DAAM1: variants seen among roughly 807,000 people sequenced by gnomAD.
The protein encoded by DAAM1 is dishevelled associated activator of morphogenesis 1.
A neutral mutation model predicts 130.0 loss-of-function variants in DAAM1; 52 were observed. That is an observed-to-expected ratio of 0.40 (90% CI 0.32 to 0.50). The LOEUF (loss-of-function observed/expected upper bound fraction) is 0.50. DAAM1 is among the 20% of genes least tolerant of loss of function. The pLI, the probability that DAAM1 is intolerant of heterozygous loss-of-function variation, is 0.61. For missense variants in DAAM1, 1,134 were observed against 1,303.8 expected (o/e 0.87, Z 2.01); for synonymous variants, 452 against 444.5 (o/e 1.02, Z -0.21).
chr14:59,231,210 A>G (rs1427311195), intron 1 of DAAM1, among the ~76,000 whole-genome samples: 1 of 152,228 alleles, frequency 6.6e-6, no homozygotes, highest in Non-Finnish European at 1.5e-5. Context: ...ATAATTGCAT[A>G]TATTTATGGG....
At chr14:59,196,472 G>T (rs998834317) in intron 1 of DAAM1, among the ~76,000 whole-genome samples, 2 of 152,202 alleles carry the variant, frequency 1.3e-5, no homozygotes, top group Non-Finnish European at 2.9e-5. Context: ...GGCCGGGTGC[G>T]GTGGCTCACG....
chr14:59,337,037 A>T lies in DAAM1; in HGVS notation c.1969-3037A>T, dbSNP rs147597345. ...AGGTCAGAAGTCTTAATTTCCTGCC[A>T]CTGGGAACTCATAAAATAGGATGAG... On this transcript the variant is annotated intron_variant, in intron 15 of 24. Transcript: ENST00000360909. Among the ~76,000 whole-genome samples the T allele has an allele frequency of 7.2e-5, 11 of 152,324 alleles. No individual in the cohort carries two copies. In the East Asian group the frequency reaches 1.9e-3, roughly 27 times the overall value.
At chr14:59,200,431 G>A (rs1370736641) in intron 1 of DAAM1, among the ~76,000 whole-genome samples, 1 of 152,150 alleles carries the variant, frequency 6.6e-6, no homozygotes, top group African/African-American at 2.4e-5. Flanking sequence ...CTCTGAAGAG[G>A]ATTAGCACAG....
chr14:59,306,492 T>C (rs1884385902), intron 3 of DAAM1, among the ~76,000 whole-genome samples: 1 of 152,180 alleles, frequency 6.6e-6, no homozygotes, highest in Non-Finnish European at 1.5e-5. Context: ...TTTAGCAGCA[T>C]AGTATTAATG....
intron 3 of DAAM1, among the ~76,000 whole-genome samples, chr14:59,303,616 G>GC (rs1235237062): frequency 6.6e-6 from 1 of 152,178 alleles, no homozygotes; most frequent in Non-Finnish European, 1.5e-5. Context: ...AAGAAATAGG[G>GC]CCAGGTGCGA....
chr14:59,230,559 T>A (rs1488602661), intron 1 of DAAM1, among the ~76,000 whole-genome samples: 1 of 152,044 alleles, frequency 6.6e-6, no homozygotes, highest in Non-Finnish European at 1.5e-5. Context: ...CTCATGGACT[T>A]AGAAAGTAGT....
At chr14:59,325,918 G>A (rs764060772) in intron 9 of DAAM1, 42 bp from the exon 10 acceptor site, 1 of 1,586,136 alleles carries the variant, frequency 6.3e-7, no homozygotes, top group South Asian at 1.1e-5. Context: ...GGAAACTGAG[G>A]AACTTAGATG....
chr14:59,347,631 A>G lies in DAAM1; in HGVS notation c.2160+8A>G, dbSNP rs370046450. 8 of 1,613,264 alleles carry G rather than the reference A, an allele frequency of 5.0e-6. No homozygotes were observed. The highest frequency in any genetic ancestry group is 1.3e-5 in the African/African-American group (1 of 75,024). On this transcript the variant is annotated splice_region_variant and intron_variant, in intron 17 of 24. Transcript: ENST00000360909. ...AAGGACATGTTGGAACAGGTGAGCTACCAGATGTATCTGAGAGCAGAAGTG... is the reference window on the plus strand; with the variant it reads ...AAGGACATGTTGGAACAGGTGAGCTGCCAGATGTATCTGAGAGCAGAAGTG...
chr14:59,344,331 T>C (rs771054029), intron 16 of DAAM1, among the ~76,000 whole-genome samples: 1 of 152,228 alleles, frequency 6.6e-6, no homozygotes, highest in Non-Finnish European at 1.5e-5. Context: ...TTGAAATACT[T>C]GAGTAGAGCA....
chr14:59,191,016 T>C (rs1024956987), intron 1 of DAAM1, among the ~76,000 whole-genome samples: 1 of 152,272 alleles, frequency 6.6e-6, no homozygotes, highest in Non-Finnish European at 1.5e-5. Context: ...AGATTCCTAA[T>C]GAATGCAGTT....
chr14:59,321,268 T>C (rs1362257018), intron 5 of DAAM1, among the ~76,000 whole-genome samples: 1 of 152,172 alleles, frequency 6.6e-6, no homozygotes, highest in Non-Finnish European at 1.5e-5. Context: ...GGCCAATCCA[T>C]AGAAACAGAA....
At chr14:59,322,358 G>A (rs1287376666) in intron 5 of DAAM1, among the ~76,000 whole-genome samples, 1 of 151,752 alleles carries the variant, frequency 6.6e-6, no homozygotes, top group Non-Finnish European at 1.5e-5. Context: ...AAAAAAAAAA[G>A]TTAAAAAGAA....
intron 1 of DAAM1, among the ~76,000 whole-genome samples, chr14:59,227,826 A>G (rs1566658045): frequency 6.6e-6 from 1 of 152,226 alleles, no homozygotes; most frequent in African/African-American, 2.4e-5. Context: ...GAGCACCCAT[A>G]GGGGCACCCA....
chr14:59,282,627 C>T (rs1883276109), intron 2 of DAAM1, among the ~76,000 whole-genome samples: 1 of 152,120 alleles, frequency 6.6e-6, no homozygotes, highest in East Asian at 1.9e-4. Flanking sequence ...AGAACATGGG[C>T]TGTGTAACCA....
Position 59,263,508 on chromosome 14 carries a change from A to C in DAAM1, c.31A>C (p.Ile11Leu). Residue 11 changes from isoleucine to leucine, a missense_variant, in exon 2 of 25, where the codon ATT becomes CTT. This residue lies in a region of DAAM1 where 99 missense variants were observed against 86.4 expected (regional missense o/e 1.15). Transcript: ENST00000360909. Reference protein sequence around the residue: MAPRKRGGRGISFIFCCFRNN... With the variant: MAPRKRGGRGLSFIFCCFRNN... ...CCCAAGAAAGAGAGGTGGACGAGGT[A>C]TTTCATTCATCTTTTGCTGTTTCCG... 6.2e-7 allele frequency: 1 copy of C among 1,614,228 alleles called. No homozygotes were observed. The highest frequency in any genetic ancestry group is 8.5e-7 in the Non-Finnish European group (1 of 1,180,034).
intron 2 of DAAM1, among the ~76,000 whole-genome samples, chr14:59,272,046 C>A (rs1882733107): frequency 6.6e-6 from 1 of 152,038 alleles, no homozygotes; most frequent in African/African-American, 2.4e-5. Flanking sequence ...TCTGTAGTTA[C>A]ACAGAGAAAA....
chr14:59,303,559 G>A (rs1884261422), intron 3 of DAAM1, among the ~76,000 whole-genome samples: 1 of 152,142 alleles, frequency 6.6e-6, no homozygotes, highest in South Asian at 2.1e-4. Flanking sequence ...GGGGGTGGAT[G>A]CCTGGAGCAC....
Position 59,291,279 on chromosome 14 carries a change from A to G in DAAM1, c.246A>G (p.Lys82=). The change falls in exon 3 of 25, where the codon AAA becomes AAG. Residue 82 remains lysine, a synonymous_variant. Coordinates refer to ENST00000360909, the MANE Select transcript of DAAM1 (RefSeq NM_001270520.2). ...EAMFALPAEK[K]WQIYCSKKKD... is the part of the protein sequence containing the mutation. ...TGTTTGCACTTCCAGCTGAGAAAAA[A>G]TGGCAAATATACTGTAGCAAGAAAA... The G allele has an allele frequency of 6.2e-7, 1 of 1,612,118 alleles. No homozygotes were observed. The highest frequency in any genetic ancestry group is 8.5e-7 in the Non-Finnish European group (1 of 1,179,458).
At chr14:59,320,605 ATG>A (rs1491155596) in intron 5 of DAAM1, 21 bp downstream of exon 5, 30 of 1,494,600 alleles carry the variant, frequency 2.0e-5, no homozygotes, top group South Asian at 2.7e-5. Context: ...CCTGGATGGC[ATG>A]TTTTTTTTTT....
Sources: gnomAD v4.1 joint callset for allele counts (sites outside exome capture counted in the v4.1 genomes callset) on GRCh38, gnomAD v4.1.1 for gene constraint, gnomAD v4.1.1 regional missense constraint, MANE v1.5 for transcripts, NCBI Gene and HGNC (gene_info 2026-07-23, HGNC 2026-07-21) for gene names.